The following SAMD4A variants were observed in gnomAD, a reference collection of about 807,000 sequenced individuals.
The protein encoded by SAMD4A is sterile alpha motif domain containing 4A, also known as protein Smaug homolog 1.
Under a neutral mutation model 81.3 loss-of-function variants are expected in SAMD4A, and 33 were observed. The ratio of observed to expected loss-of-function variants is 0.41; its 90% CI spans 0.31 to 0.54. SAMD4A has a LOEUF of 0.54. SAMD4A is among the 20% of genes least tolerant of loss of function. SAMD4A has a pLI of 0.37. For synonymous variants in SAMD4A, 389 were observed against 382.1 expected (o/e 1.02, Z -0.21); for missense variants, 854 against 951.1 (o/e 0.90, Z 1.34).
intron 2 of SAMD4A, among the ~76,000 whole-genome samples, chr14:54,635,069 T>C (rs966704065): frequency 6.6e-6 from 1 of 152,188 alleles, no homozygotes; most frequent in Non-Finnish European, 1.5e-5. Flanking sequence ...GTGAGTCTCA[T>C]TTCTTAATAG....
At position 54,789,039 on chromosome 14, in the gene SAMD4A, A is replaced by G; in HGVS notation, c.*95A>G. The stretch of plus-strand genomic sequence containing the variant: ...AGGGTTGCACAGAATCCTCCAAGAT[A>G]CTTTGCAGCCTTTTTTCCCCCTGGT... On this transcript the variant is annotated 3_prime_UTR_variant, in exon 13 of 13. Coordinates refer to ENST00000554335, the MANE Select transcript of SAMD4A (RefSeq NM_015589.6). The G allele has an allele frequency of 7.1e-7, 1 of 1,411,828 alleles. No homozygotes were observed. Among genetic ancestry groups the G allele is most frequent in the Non-Finnish European group, 1.0e-6 (1 of 997,266 alleles). 87.5% of individuals were successfully genotyped at this position (1,411,828 alleles called of 1,614,324 possible).
At chr14:54,785,538 C>T (rs193154514) in intron 12 of SAMD4A, among the ~76,000 whole-genome samples, 1 of 152,250 alleles carries the variant, frequency 6.6e-6, no homozygotes, top group Non-Finnish European at 1.5e-5. Flanking sequence ...TACACTTGCT[C>T]TTAGCCAAAA....
chr14:54,691,810 A>C (rs76868793), intron 2 of SAMD4A, among the ~76,000 whole-genome samples: 1 of 152,100 alleles, frequency 6.6e-6, no homozygotes, highest in East Asian at 1.9e-4. Flanking sequence ...GGGTCACCCA[A>C]CTCTGTCCTT....
At chr14:54,769,844 A>T (rs139158867) in intron 8 of SAMD4A, among the ~76,000 whole-genome samples, 1 of 152,336 alleles carries the variant, frequency 6.6e-6, no homozygotes, top group African/African-American at 2.4e-5. Context: ...GTGGATATGG[A>T]TCTGCCAGAA....
At chr14:54,682,884 A>G (rs1253176477) in intron 2 of SAMD4A, among the ~76,000 whole-genome samples, 2 of 152,238 alleles carry the variant, frequency 1.3e-5, no homozygotes, top group Admixed American at 1.3e-4. Context: ...GAACAAGGAT[A>G]AACATGGGTT....
At chr14:54,612,438 T>C (rs2034382896) in intron 2 of SAMD4A, among the ~76,000 whole-genome samples, 1 of 152,198 alleles carries the variant, frequency 6.6e-6, no homozygotes, top group African/African-American at 2.4e-5. Context: ...TTTCTTATTT[T>C]AAAATCTCAT....
At chr14:54,655,720 A>G (rs2035505529) in intron 2 of SAMD4A, among the ~76,000 whole-genome samples, 1 of 152,186 alleles carries the variant, frequency 6.6e-6, no homozygotes, top group South Asian at 2.1e-4. Flanking sequence ...CCTGGGCAAT[A>G]AGAGCGAAAT....
At position 54,626,015 on chromosome 14, in the gene SAMD4A, GGTGTGTGTGTGTGTGT is replaced by G. The variant is rs71446501; in HGVS notation, c.196+57933_196+57948del. 1.1e-3 allele frequency among the ~76,000 whole-genome samples: 139 copies of G among 131,776 alleles called. 1 individual carries two copies. Among genetic ancestry groups the G allele is most frequent in the East Asian group, 7.7e-3 (31 of 4,012 alleles). The allele number at this position is 131,776 out of a possible 152,430, so 86.5% of individuals were successfully genotyped here. On this transcript the variant is annotated intron_variant, in intron 2 of 12. Coordinates refer to ENST00000554335, the MANE Select transcript of SAMD4A (RefSeq NM_015589.6). ...TTACAGAATAGCAGCTCTACTGCTA[GGTGTGTGTGTGTGTGT>G]GTGTGTGTGTGTGTGTGTGTGTGTG...
At chr14:54,620,677 C>T (rs2034594479) in intron 2 of SAMD4A, among the ~76,000 whole-genome samples, 1 of 152,156 alleles carries the variant, frequency 6.6e-6, no homozygotes, top group Non-Finnish European at 1.5e-5. Flanking sequence ...TCGTAAGGGA[C>T]ATGTGTTTGA....
intron 2 of SAMD4A, among the ~76,000 whole-genome samples, chr14:54,605,185 A>C (rs1216546705): frequency 6.6e-6 from 1 of 152,200 alleles, no homozygotes; most frequent in Non-Finnish European, 1.5e-5. Context: ...CCCTGAGCAC[A>C]GGATGAGGAT....
intron 7 of SAMD4A, among the ~76,000 whole-genome samples, chr14:54,763,328 TAGTG>T (rs1431840355): frequency 6.6e-6 from 1 of 151,812 alleles, no homozygotes; most frequent in Admixed American, 6.6e-5. Context: ...CTCGGCAACA[TAGTG>T]AGACCCTGTC....
intron 3 of SAMD4A, among the ~76,000 whole-genome samples, chr14:54,721,765 A>G (rs562319822): frequency 6.6e-6 from 1 of 152,294 alleles, no homozygotes; most frequent in African/African-American, 2.4e-5. Context: ...GAGAGAATGG[A>G]AAGATTAATT....
Position 54,791,679 on chromosome 14 carries a change from T to C in SAMD4A, c.*2735T>C, listed in dbSNP as rs2039262202. On this transcript the variant is annotated 3_prime_UTR_variant, in exon 13 of 13. Transcript: ENST00000554335. The stretch of plus-strand genomic sequence containing the variant: ...TTTAATTTTTTTTTTAAGTTGAGTG[T>C]TTGATAAATTTTAAGACCCTGTCCC... The C allele has an allele frequency of 6.6e-6, 1 of 152,158 alleles. No individual in the cohort carries two copies. The highest frequency in any genetic ancestry group is 6.5e-5 in the Admixed American group (1 of 15,268). 9.4% of individuals were successfully genotyped at this position (152,158 alleles called of 1,614,324 possible).
rs769193366 is a variant in SAMD4A, at chr14:54,678,433, T to TTGTGTGTGTGTGTGTGTGTGTGTGTG, written c.197-23571_197-23546dup. The stretch of plus-strand genomic sequence containing the variant: ...GTGTCGTATTTTGGGCAGTCACCAT[T>TTGTGTGTGTGTGTGTGTGTGTGTGTG]TGTGTGTGTGTGTGTGTGTGTGTGT... On this transcript the variant is annotated intron_variant, in intron 2 of 12. Coordinates refer to ENST00000554335, the MANE Select transcript of SAMD4A (RefSeq NM_015589.6). Among the ~76,000 whole-genome samples, 9 of 81,274 alleles carry TTGTGTGTGTGTGTGTGTGTGTGTGTG rather than the reference T, an allele frequency of 1.1e-4. 1 individual carries two copies. The highest frequency in any genetic ancestry group is 4.8e-4 in the East Asian group (1 of 2,070). The allele number at this position is 81,274 out of a possible 152,430, so 53.3% of individuals were successfully genotyped here.
chr14:54,652,923 A>G (rs975555721), intron 2 of SAMD4A: 4 of 151,896 alleles, frequency 2.6e-5, no homozygotes, highest in Non-Finnish European at 5.9e-5. Flanking sequence ...CTCTTCTTCC[A>G]TTTTTGCTCT....
chr14:54,717,296 G>A (rs2037142491), intron 3 of SAMD4A, among the ~76,000 whole-genome samples: 1 of 151,918 alleles, frequency 6.6e-6, no homozygotes, highest in Non-Finnish European at 1.5e-5. Flanking sequence ...TAAAAAATTA[G>A]CCAGGTGTGA....
chr14:54,675,166 G>A (rs1191084432), intron 2 of SAMD4A, among the ~76,000 whole-genome samples: 1 of 152,116 alleles, frequency 6.6e-6, no homozygotes, highest in Non-Finnish European at 1.5e-5. Context: ...AGGAGTTCGA[G>A]ACCAGCTTGG....
chr14:54,598,923 T>A (rs988878976), intron 2 of SAMD4A, among the ~76,000 whole-genome samples: 14 of 151,888 alleles, frequency 9.2e-5, no homozygotes, highest in Non-Finnish European at 1.6e-4. Flanking sequence ...CAGGTTCAAG[T>A]GATCCTCCTA....
intron 4 of SAMD4A, among the ~76,000 whole-genome samples, chr14:54,747,286 C>T (rs1175982526): frequency 6.6e-6 from 1 of 152,248 alleles, no homozygotes; most frequent in Non-Finnish European, 1.5e-5. Context: ...CCAGAAATTC[C>T]CCTTCATTGG....
Sources: allele counts gnomAD v4.1 joint callset (sites outside exome capture counted in the v4.1 genomes callset), GRCh38; gene constraint gnomAD v4.1.1; transcripts MANE v1.5; gene names NCBI Gene and HGNC (gene_info 2026-07-23, HGNC 2026-07-21).